ADPGK: variants seen among roughly 807,000 people sequenced by gnomAD.
ADPGK encodes the protein ADP-dependent glucokinase.
In ADPGK, 26 loss-of-function variants were observed where a neutral mutation model predicts 42.4. That is an observed-to-expected ratio of 0.61 (90% confidence interval 0.45 to 0.85). The LOEUF is 0.85. Among genes scored for constraint, ADPGK ranks in the 40% least tolerant of loss-of-function variants. ADPGK has a pLI of 0.00. For missense variants in ADPGK, 571 were observed against 627.0 expected, an observed-to-expected ratio of 0.91 and a Z score of 0.95; for synonymous variants, 267 against 252.6, an observed-to-expected ratio of 1.06 and a Z score of -0.54.
intron 4 of ADPGK, chr15:72,760,187 T>G: frequency 2.8e-6 from 1 of 352,256 alleles, no homozygotes; most frequent in Non-Finnish European, 4.9e-6. Context: ...CAATTCTGCT[T>G]GTAGACCTGG....
At position 72,756,446 on chromosome 15, in the gene ADPGK, C is replaced by T. The variant is rs150197627; in HGVS notation, c.645G>A (p.Gly215=). 3,487 of 1,614,098 alleles carry T rather than the reference C, an allele frequency of 2.2e-3. 132 individuals are homozygous for T. In the Admixed American group the frequency reaches 0.054, roughly 25 times the overall value. ...GAGCTTTTAACTGGCCCCACTCCTCCCCTGGAAAAACCCAGTCAACACAAT... is the reference window on the plus strand; with the variant it reads ...GAGCTTTTAACTGGCCCCACTCCTCTCCTGGAAAAACCCAGTCAACACAAT... ...EFHLILEYQA[G]EEWGQLKAPH... Residue 215 remains glycine, a splice_region_variant and synonymous_variant, in exon 5 of 7, where the codon GGG becomes GGA. Transcript: ENST00000456471.
intron 3 of ADPGK, among the ~76,000 whole-genome samples, chr15:72,767,382 A>AC (rs2066273804): frequency 9.4e-6 from 1 of 105,880 alleles, no homozygotes; most frequent in African/African-American, 2.9e-5. Context: ...GATCAAATAG[A>AC]CAAAAAAAAA....
chr15:72,751,302 A>G lies in ADPGK; in HGVS notation c.*1039T>C, dbSNP rs1168638510. ...AACATGCACATCACAAATGAAGATC[A>G]GAATGATTTTTATCTTATCTGGTTC... On this transcript the variant is annotated 3_prime_UTR_variant, in exon 7 of 7. Coordinates refer to ENST00000456471, the MANE Select transcript of ADPGK (RefSeq NM_001365225.1). 6.5e-6 allele frequency: 1 copy of G among 152,686 alleles called. No individual in the cohort carries two copies. 9.5% of individuals were successfully genotyped at this position (152,686 alleles called of 1,614,324 possible). A position where few individuals can be genotyped will look rare whatever the true frequency, so the allele number is the denominator to read the frequency against.
At chr15:72,753,393 AG>A (rs2066072740) in intron 6 of ADPGK, among the ~76,000 whole-genome samples, 1 of 152,224 alleles carries the variant, frequency 6.6e-6, no homozygotes, top group South Asian at 2.1e-4. Context: ...GCTTTTTAAA[AG>A]CAGGTGTGGG....
At chr15:72,753,004 C>A in intron 6 of ADPGK, 109 bp from the exon 7 acceptor site, 3 of 1,144,968 alleles carry the variant, frequency 2.6e-6, no homozygotes, top group Non-Finnish European at 3.7e-6. Flanking sequence ...AGGCAGCTTT[C>A]TTCCTTGATA....
chr15:72,757,638 A>G (rs1283953220), intron 4 of ADPGK: 2 of 160,996 alleles, frequency 1.2e-5, no homozygotes, highest in African/African-American at 4.8e-5. Context: ...TGAATTAACA[A>G]AAGAACAAGC....
At chr15:72,772,771 C>A (rs541436308) in intron 2 of ADPGK, among the ~76,000 whole-genome samples, 2 of 152,202 alleles carry the variant, frequency 1.3e-5, no homozygotes, top group African/African-American at 2.4e-5. Context: ...AGATAATGGG[C>A]CCCTAATATA....
chr15:72,772,213 C>G (rs547108325), intron 2 of ADPGK, among the ~76,000 whole-genome samples: 1 of 152,290 alleles, frequency 6.6e-6, no homozygotes, highest in Non-Finnish European at 1.5e-5. Flanking sequence ...GTGGAAAAAT[C>G]ATTCAGTAGA....
chr15:72,780,560 C>T (rs768809499), intron 1 of ADPGK, among the ~76,000 whole-genome samples: 2 of 152,070 alleles, frequency 1.3e-5, no homozygotes, highest in Non-Finnish European at 2.9e-5. Flanking sequence ...TTTCAGAGGC[C>T]AAGATGGGAG....
At chr15:72,779,244 GTTTT>G (rs35321622) in intron 1 of ADPGK, among the ~76,000 whole-genome samples, 1 of 107,220 alleles carries the variant, frequency 9.3e-6, no homozygotes, top group Non-Finnish European at 1.8e-5. Flanking sequence ...TAGCATGAGG[GTTTT>G]TTTTTTTTTT....
chr15:72,763,318 ATTTTTT>A (rs34099103), intron 3 of ADPGK, among the ~76,000 whole-genome samples: 61 of 123,664 alleles, frequency 4.9e-4, no homozygotes, highest in Non-Finnish European at 7.9e-4. Context: ...CACTCGGCTA[ATTTTTT>A]TTTTTTTTTT....
At chr15:72,772,700 A>C (rs980024279) in intron 2 of ADPGK, among the ~76,000 whole-genome samples, 2 of 152,286 alleles carry the variant, frequency 1.3e-5, no homozygotes, top group Admixed American at 1.3e-4. Flanking sequence ...AAATTTTGAG[A>C]AACGAAGAAA....
chr15:72,783,192 A>C, intron 1 of ADPGK: 1 of 1,212,374 alleles, frequency 8.2e-7, no homozygotes, highest in Non-Finnish European at 1.0e-6. Context: ...GAAGGCTCGG[A>C]GAAAGGTGTC....
chr15:72,760,094 C>A, intron 4 of ADPGK: 1 of 165,426 alleles, frequency 6.0e-6, no homozygotes, highest in Non-Finnish European at 1.3e-5. Flanking sequence ...TAAAGGAAAA[C>A]TTTATATATG....
chr15:72,753,310 G>C (rs2066071141), intron 6 of ADPGK, among the ~76,000 whole-genome samples: 1 of 152,194 alleles, frequency 6.6e-6, no homozygotes, highest in African/African-American at 2.4e-5. Flanking sequence ...GCAACATACT[G>C]TCAGGGTTAT....
chr15:72,752,909 C>A lies in ADPGK; in HGVS notation c.940-14G>T. ...GGGAAAGACCTGCTAACAAAAACAA[C>A]AACAGGTATCTTTCTGATGGAGATA... On this transcript the variant is annotated splice_polypyrimidine_tract_variant and intron_variant, in intron 6 of 6. Coordinates refer to ENST00000456471, the MANE Select transcript of ADPGK (RefSeq NM_001365225.1). 1 of 1,599,592 alleles carries A rather than the reference C, an allele frequency of 6.3e-7. No homozygotes were observed.
Position 72,760,423 on chromosome 15 carries a change from A to T in ADPGK, c.627T>A (p.Ile209=), listed in dbSNP as rs2151075504. 1.2e-6 allele frequency: 2 copies of T among 1,604,202 alleles called. No individual in the cohort carries two copies. The highest frequency in any genetic ancestry group is 2.2e-5 in the South Asian group (2 of 90,052). ...SLQEVDEFHL[I]LEYQAGEEWG... Reference sequence around the variant, plus strand: ...TTTCCTTACCTGCTTGATACTCTAAAATGAGGTGGAACTCATCCACTTCCT... The same window carrying T: ...TTTCCTTACCTGCTTGATACTCTAATATGAGGTGGAACTCATCCACTTCCT... Residue 209 remains isoleucine (I), a synonymous_variant, in exon 4 of 7, where the codon ATT becomes ATA. Transcript: ENST00000456471.
chr15:72,775,263 CT>C (rs2066378096), intron 1 of ADPGK, 166 bp from the exon 2 acceptor site: 1 of 616,214 alleles, frequency 1.6e-6, no homozygotes, highest in South Asian at 2.0e-5. Context: ...AGAAAAATTA[CT>C]TTAACTGGAT....
chr15:72,774,470 G>C (rs1036563292), intron 2 of ADPGK, among the ~76,000 whole-genome samples: 1 of 152,156 alleles, frequency 6.6e-6, no homozygotes, highest in Non-Finnish European at 1.5e-5. Context: ...GGACCATGCA[G>C]GGCTTTGTAT....
Sources: gnomAD v4.1 joint callset for allele counts (sites outside exome capture counted in the v4.1 genomes callset) on GRCh38, gnomAD v4.1.1 for gene constraint, MANE v1.5 for transcripts, NCBI Gene and HGNC (gene_info 2026-07-23, HGNC 2026-07-21) for gene names.